Variants in TRMT11 observed in about 807,000 individuals in gnomAD.
TRMT11 encodes the protein tRNA (guanine(10)-N(2))-methyltransferase TRMT11.
A neutral mutation model predicts 62.8 loss-of-function variants in TRMT11; 53 were observed. The observed-to-expected ratio is 0.84, with a 90% CI of 0.68 to 1.06. The LOEUF is 1.06. Among genes scored for constraint, TRMT11 ranks in the 50% least tolerant of loss-of-function variants. TRMT11 has a pLI of 0.00. For missense variants in TRMT11, 556 were observed against 553.4 expected, an observed-to-expected ratio of 1.00 and a Z score of -0.05; for synonymous variants, 188 against 190.3, an observed-to-expected ratio of 0.99 and a Z score of 0.10.
chr6:126,096,533 T>C (rs1324739454), intron 17 of TRMT11, among the ~76,000 whole-genome samples: 1 of 151,624 alleles, frequency 6.6e-6, no homozygotes, highest in Non-Finnish European at 1.5e-5. Context: ...TTTCAAAAGC[T>C]CAAATAAATT....
chr6:126,154,835 TC>T, intron 21 of TRMT11, among the ~76,000 whole-genome samples: 1 of 152,274 alleles, frequency 6.6e-6, no homozygotes, highest in Middle Eastern at 3.4e-3. Flanking sequence ...CATGGACTGA[TC>T]TTTTGAGCAT....
chr6:125,993,887 A>G, intron 2 of TRMT11, 65 bp downstream of exon 2: 2 of 911,652 alleles, frequency 2.2e-6, no homozygotes, highest in Non-Finnish European at 3.5e-6. Flanking sequence ...GTTTGAAGAG[A>G]AGAAGTGCAT....
At chr6:126,016,025 C>T (rs1794935424) in intron 11 of TRMT11, among the ~76,000 whole-genome samples, 1 of 152,186 alleles carries the variant, frequency 6.6e-6, no homozygotes. Flanking sequence ...TTTCTCCTCT[C>T]TGAATCATCA....
chr6:126,039,440 T>C (rs1775791451), downstream of TRMT11, among the ~76,000 whole-genome samples: 1 of 152,030 alleles, frequency 6.6e-6, no homozygotes, highest in Non-Finnish European at 1.5e-5. Flanking sequence ...CTGTCTACAT[T>C]TGAAGCTCTT....
Position 125,994,220 on chromosome 6 carries a change from A to G in TRMT11, c.138+398A>G, listed in dbSNP as rs148509293. On this transcript the variant is annotated intron_variant, in intron 2 of 12. Coordinates refer to ENST00000334379, the MANE Select transcript of TRMT11 (RefSeq NM_001031712.3). ...TGAGCTTTGTATTTTGCATAAAACTATATCAGTGTTTGACAGAAGTTTGGA... is the reference window on the plus strand; with the variant it reads ...TGAGCTTTGTATTTTGCATAAAACTGTATCAGTGTTTGACAGAAGTTTGGA... 4.3e-3 allele frequency among the ~76,000 whole-genome samples: 655 copies of G among 152,308 alleles called. 1 individual carries two copies. The highest frequency in any genetic ancestry group is 0.01 in the Middle Eastern group (3 of 294).
intron 17 of TRMT11, among the ~76,000 whole-genome samples, chr6:126,098,233 C>A (rs1234237981): frequency 6.6e-6 from 1 of 152,140 alleles, no homozygotes; most frequent in Non-Finnish European, 1.5e-5. Flanking sequence ...CTGCTGCGTT[C>A]ATTTCCTTGG....
intron 17 of TRMT11, among the ~76,000 whole-genome samples, chr6:126,095,195 T>G (rs138299871): frequency 1.3e-5 from 2 of 152,300 alleles, no homozygotes; most frequent in African/African-American, 4.8e-5. Context: ...CTAGTAATAA[T>G]CAACACACAA....
chr6:126,033,973 T>C (rs887995607), intron 12 of TRMT11, among the ~76,000 whole-genome samples: 1 of 151,938 alleles, frequency 6.6e-6, no homozygotes, highest in South Asian at 2.1e-4. Context: ...GTTAAAGGAG[T>C]CCTGCCTAAA....
At chr6:126,133,060 T>C (rs1777806523) in intron 21 of TRMT11, among the ~76,000 whole-genome samples, 2 of 152,038 alleles carry the variant, frequency 1.3e-5, no homozygotes, top group Non-Finnish European at 2.9e-5. Flanking sequence ...TTATAAGTCT[T>C]TTCTTCCGCA....
chr6:126,097,476 ATT>A (rs1777354112), intron 17 of TRMT11, among the ~76,000 whole-genome samples: 2 of 152,158 alleles, frequency 1.3e-5, no homozygotes, highest in Non-Finnish European at 2.9e-5. Flanking sequence ...ATTTTACATC[ATT>A]TTGGCTATTC....
At chr6:126,018,162 GAGAA>G (rs1349796276) in intron 11 of TRMT11, among the ~76,000 whole-genome samples, 1 of 152,144 alleles carries the variant, frequency 6.6e-6, no homozygotes, top group African/African-American at 2.4e-5. Flanking sequence ...TTAAAAAGGT[GAGAA>G]AGAAGCTAAT....
Position 125,998,220 on chromosome 6 carries a change from T to A in TRMT11, c.295-3T>A. On this transcript the variant is annotated splice_region_variant and splice_polypyrimidine_tract_variant and intron_variant, in intron 4 of 12. Coordinates refer to ENST00000334379, the MANE Select transcript of TRMT11 (RefSeq NM_001031712.3). ...TCAAAAAACTGATTTCCTTTTATTT[T>A]AGGTTCCATTTCTACATTCGGACTC... The A allele has an allele frequency of 1.3e-6, 2 of 1,599,162 alleles. No individual in the cohort carries two copies. Among genetic ancestry groups the A allele is most frequent in the Non-Finnish European group, 1.7e-6 (2 of 1,167,196 alleles).
chr6:126,261,911 C>T, the TRMT11 span, among the ~76,000 whole-genome samples: 2 of 151,902 alleles, frequency 1.3e-5, no homozygotes, highest in African/African-American at 4.8e-5. Context: ...CATGTGTAGA[C>T]ACGGCAAGGC....
chr6:126,009,170 A>G (rs1793812357), intron 8 of TRMT11, among the ~76,000 whole-genome samples: 1 of 152,120 alleles, frequency 6.6e-6, no homozygotes, highest in South Asian at 2.1e-4. Context: ...TATCACCAAA[A>G]TTATTCACTA....
intron 7 of TRMT11, among the ~76,000 whole-genome samples, chr6:126,006,025 G>A (rs530898036): frequency 1.1e-4 from 16 of 152,140 alleles, no homozygotes; most frequent in African/African-American, 3.6e-4. Context: ...GGAACTGACT[G>A]TCCTGGTTCT....
chr6:126,163,803 T>C (rs1778226436), intron 21 of TRMT11, among the ~76,000 whole-genome samples: 1 of 152,220 alleles, frequency 6.6e-6, no homozygotes. Context: ...TGTATTTCTG[T>C]GGGATCAGTG....
the TRMT11 span, among the ~76,000 whole-genome samples, chr6:126,235,838 C>T: frequency 6.6e-6 from 1 of 152,168 alleles, no homozygotes; most frequent in African/African-American, 2.4e-5. Flanking sequence ...ACCCATCCTG[C>T]ACATGTACCC....
At chr6:126,103,763 A>G (rs561940660) in intron 17 of TRMT11, among the ~76,000 whole-genome samples, 40 of 152,368 alleles carry the variant, frequency 2.6e-4, no homozygotes, top group African/African-American at 9.1e-4. Context: ...TCTTCAAGAC[A>G]GCTACTGAGA....
chr6:126,195,835 T>C (rs1347069535), intron 1 of TRMT11, among the ~76,000 whole-genome samples: 2 of 152,224 alleles, frequency 1.3e-5, no homozygotes, highest in Non-Finnish European at 2.9e-5. Context: ...AAGGATTCAC[T>C]GTTTTAAGAG....
Sources: allele counts gnomAD v4.1 joint callset (sites outside exome capture counted in the v4.1 genomes callset), GRCh38; gene constraint gnomAD v4.1.1; transcripts MANE v1.5; gene names NCBI Gene and HGNC (gene_info 2026-07-23, HGNC 2026-07-21).